Variants in SBF2 observed in about 807,000 individuals in gnomAD.
SBF2 encodes the protein SET binding factor 2, also known as myotubularin-related protein 13.
Under a neutral mutation model 225.2 loss-of-function variants are expected in SBF2, and 112 were observed. The ratio of observed to expected loss-of-function variants is 0.50; its 90% CI spans 0.43 to 0.58. SBF2 has a LOEUF of 0.58. Among genes scored for constraint, SBF2 ranks in the 20% least tolerant of loss-of-function variants. SBF2 has a pLI of 0.00. For synonymous variants in SBF2, 763 were observed against 773.3 expected (o/e 0.99, Z 0.22); for missense variants, 1,996 against 2,206.2 (o/e 0.90, Z 1.91).
At chr11:9,928,908 G>C (rs1348823218) in intron 16 of SBF2, 6 of 386,806 alleles carry the variant, frequency 1.6e-5, no homozygotes, top group Admixed American at 6.0e-5. Flanking sequence ...AATGATGTTA[G>C]ATAAAAATTA....
chr11:10,077,203 A>G (rs1261643853), intron 2 of SBF2, among the ~76,000 whole-genome samples: 2 of 152,214 alleles, frequency 1.3e-5, no homozygotes, highest in Non-Finnish European at 2.9e-5. Flanking sequence ...GGAAGAACCA[A>G]TATCGTGAAA....
chr11:9,953,162 T>G (rs1330892579), intron 16 of SBF2, among the ~76,000 whole-genome samples: 1 of 152,206 alleles, frequency 6.6e-6, no homozygotes, highest in African/African-American at 2.4e-5. Flanking sequence ...TGTGGCATAT[T>G]GGGTTGGGCA....
chr11:9,890,642 G>C (rs1040952515), intron 17 of SBF2, among the ~76,000 whole-genome samples: 3 of 152,144 alleles, frequency 2.0e-5, no homozygotes, highest in African/African-American at 7.2e-5. Context: ...CAGGCTATAA[G>C]GGTACCAAAG....
chr11:9,972,484 T>G (rs1946508470), intron 13 of SBF2, among the ~76,000 whole-genome samples: 1 of 152,168 alleles, frequency 6.6e-6, no homozygotes. Context: ...GTTTTTTGTT[T>G]GTTTGTTTGT....
At chr11:10,046,504 A>T (rs1280471872) in intron 2 of SBF2, among the ~76,000 whole-genome samples, 15 of 150,976 alleles carry the variant, frequency 9.9e-5, no homozygotes, top group Admixed American at 9.8e-4. Flanking sequence ...CAGGCTAAAG[A>T]ATAATAATCA....
intron 1 of SBF2, among the ~76,000 whole-genome samples, chr11:10,221,150 C>T (rs1441855920): frequency 1.3e-5 from 2 of 149,420 alleles, no homozygotes; most frequent in African/African-American, 4.9e-5. Context: ...TTGAGACTCG[C>T]TCTGTTGCCC....
chr11:10,304,137 C>G (rs1350992873), intron 1 of SBF2, among the ~76,000 whole-genome samples: 4 of 152,132 alleles, frequency 2.6e-5, no homozygotes, highest in African/African-American at 9.7e-5. Flanking sequence ...GGAATGTTAC[C>G]TTCCTTGCCT....
At chr11:9,832,065 T>C (rs149414437) in intron 27 of SBF2, among the ~76,000 whole-genome samples, 159 bp downstream of exon 27, 222 of 152,328 alleles carry the variant, frequency 1.5e-3, no homozygotes, top group African/African-American at 5.1e-3. Flanking sequence ...TCAAGTATAG[T>C]TCTTGTTTAA....
intron 14 of SBF2, among the ~76,000 whole-genome samples, chr11:9,966,878 C>T (rs184703406): frequency 9.9e-5 from 15 of 152,242 alleles, no homozygotes; most frequent in African/African-American, 3.6e-4. Context: ...CATAGAATTA[C>T]CATATGACCC....
At chr11:10,167,775 T>C (rs1244704247) in intron 2 of SBF2, among the ~76,000 whole-genome samples, 2 of 152,190 alleles carry the variant, frequency 1.3e-5, no homozygotes, top group African/African-American at 4.8e-5. Context: ...CCCAGCACTT[T>C]GGGAGGCTGA....
intron 1 of SBF2, among the ~76,000 whole-genome samples, chr11:10,232,222 T>C (rs1471781251): frequency 6.6e-6 from 1 of 152,196 alleles, no homozygotes; most frequent in Non-Finnish European, 1.5e-5. Flanking sequence ...TTTCTTTGAC[T>C]AGGAAAGGGA....
rs150861020 is a variant in SBF2, at chr11:9,799,329, T to C, written c.4444-3372A>G. Among the ~76,000 whole-genome samples, 1,143 of 152,264 alleles carry C rather than the reference T, an allele frequency of 7.5e-3. 10 individuals are homozygous for C. Among genetic ancestry groups the C allele is most frequent in the Middle Eastern group, 0.044 (13 of 294 alleles). On this transcript the variant is annotated intron_variant, in intron 32 of 39. Transcript: ENST00000256190. ...CCAAGGCCTCTTGTACCCACTCCAC[T>C]GGGACTGGAATTGGTGCTTGGAGAA...
At chr11:10,176,000 C>T (rs1956445434) in intron 2 of SBF2, among the ~76,000 whole-genome samples, 1 of 131,424 alleles carries the variant, frequency 7.6e-6, no homozygotes, top group South Asian at 2.8e-4. Context: ...ATCTCTGGGA[C>T]ACATTCAAAG....
intron 2 of SBF2, among the ~76,000 whole-genome samples, chr11:10,193,426 C>T (rs1198913184): frequency 1.4e-5 from 2 of 142,408 alleles, no homozygotes; most frequent in Admixed American, 1.5e-4. Flanking sequence ...ACGATCTTGG[C>T]TCACTGCAAG....
chr11:10,130,630 A>C (rs1240359994), intron 2 of SBF2, among the ~76,000 whole-genome samples: 1 of 152,162 alleles, frequency 6.6e-6, no homozygotes, highest in African/African-American at 2.4e-5. Context: ...CATCACAATC[A>C]ATAAATAAAA....
At chr11:10,243,508 A>T (rs534291530) in intron 1 of SBF2, among the ~76,000 whole-genome samples, 17 of 152,010 alleles carry the variant, frequency 1.1e-4, no homozygotes, top group Admixed American at 7.8e-4. Flanking sequence ...GAGAAAAAAA[A>T]TTTTTTAATG....
intron 2 of SBF2, among the ~76,000 whole-genome samples, chr11:10,088,484 T>G (rs1184677449): frequency 1.3e-5 from 2 of 152,188 alleles, no homozygotes; most frequent in African/African-American, 4.8e-5. Context: ...CTTATTCAGC[T>G]CATGGTTCTG....
chr11:9,903,332 AAAAAG>A (rs1861877187), intron 16 of SBF2, among the ~76,000 whole-genome samples: 1 of 152,164 alleles, frequency 6.6e-6, no homozygotes, highest in Admixed American at 6.5e-5. Flanking sequence ...AAAAAAAAAG[AAAAAG>A]AAAAGGGAAA....
rs558105136 is a variant in SBF2 at position 10,025,813 on chromosome 11, C to T, written c.619+2639G>A. Among the ~76,000 whole-genome samples the T allele has an allele frequency of 3.9e-5, 6 of 152,222 alleles. No homozygotes were observed. The East Asian group carries it at 1.2e-3, about 29-fold the overall frequency. ...ATGGGGTGTCAGCGTGTTGGCCAGG[C>T]TGGTCTCGAACACCTGCCCTAAAGT... On this transcript the variant is annotated intron_variant, in intron 6 of 39. Transcript: ENST00000256190.
Sources: allele counts gnomAD v4.1 joint callset (sites outside exome capture counted in the v4.1 genomes callset), GRCh38; gene constraint gnomAD v4.1.1; transcripts MANE v1.5; gene names NCBI Gene and HGNC (gene_info 2026-07-23, HGNC 2026-07-21).